TRIO: variants seen among roughly 807,000 people sequenced by gnomAD.
TRIO encodes trio Rho guanine nucleotide exchange factor, also known as triple functional domain protein.
In TRIO, 58 loss-of-function variants were observed where a neutral mutation model predicts 351.9. That is an observed-to-expected ratio of 0.16 (90% CI 0.13 to 0.21). TRIO has a LOEUF of 0.21. TRIO is among the 10% of genes least tolerant of loss of function. TRIO has a pLI of 1.00. For missense variants in TRIO, 3,201 were observed against 4,027.8 expected (o/e 0.79, Z 5.56); for synonymous variants, 1,758 against 1,595.7 (o/e 1.10, Z -2.42).
intron 3 of TRIO, among the ~76,000 whole-genome samples, chr5:14,285,800 A>T (rs1206377858): frequency 6.6e-6 from 1 of 152,138 alleles, no homozygotes. Flanking sequence ...TATATTTCCA[A>T]AAAAGACCTT....
intron 54 of TRIO, 44 bp from the exon 55 acceptor site, chr5:14,504,349 A>T: frequency 1.2e-6 from 2 of 1,605,874 alleles, no homozygotes; most frequent in Non-Finnish European, 1.7e-6. Context: ...TCGGTGCCAG[A>T]CCTCAGCAGC....
At position 14,482,778 on chromosome 5, in the gene TRIO, C is replaced by A. The variant is rs778248124; in HGVS notation, c.6657+5C>A. 2 of 1,557,860 alleles carry A rather than the reference C, an allele frequency of 1.3e-6. No homozygotes were observed. The highest frequency in any genetic ancestry group is 1.7e-6 in the Non-Finnish European group (2 of 1,145,138). ...CTGTTTAAGAACAGTATCAAGGTAA[C>A]GTGTGTCTCTGTGTGATTTCTCTGT... is the stretch of plus-strand genomic sequence containing the variant. On this transcript the variant is annotated splice_donor_5th_base_variant and intron_variant, in intron 46 of 56. Transcript: ENST00000344204.
intron 1 of TRIO, among the ~76,000 whole-genome samples, chr5:14,208,609 T>C (rs748614622): frequency 6.6e-6 from 1 of 152,234 alleles, no homozygotes; most frequent in African/African-American, 2.4e-5. Flanking sequence ...TGAGTCCTTA[T>C]GTAAGCAACT....
chr5:14,249,609 A>G (rs1328262721), intron 1 of TRIO, among the ~76,000 whole-genome samples: 1 of 152,236 alleles, frequency 6.6e-6, no homozygotes, highest in Non-Finnish European at 1.5e-5. Flanking sequence ...GAGAGCAGCT[A>G]TAAAGGGCAG....
At chr5:14,439,501 G>A (rs1363839700) in intron 34 of TRIO, among the ~76,000 whole-genome samples, 4 of 152,154 alleles carry the variant, frequency 2.6e-5, no homozygotes, top group East Asian at 3.8e-4. Flanking sequence ...TTGGCAGTCC[G>A]TATTTTGGAA....
chr5:14,262,054 T>C (rs147570945), intron 1 of TRIO, among the ~76,000 whole-genome samples: 4 of 152,340 alleles, frequency 2.6e-5, no homozygotes, highest in African/African-American at 9.6e-5. Context: ...ACCACGTGTT[T>C]GCTATCTTGA....
chr5:14,211,938 G>A, intron 1 of TRIO, among the ~76,000 whole-genome samples: 1 of 143,208 alleles, frequency 7.0e-6, no homozygotes, highest in Admixed American at 7.1e-5. Flanking sequence ...ACAGTGGTGA[G>A]ACCCCATCTC....
Position 14,378,048 on chromosome 5 carries a change from T to C in TRIO, c.3368T>C (p.Val1123Ala). 1.2e-6 allele frequency: 2 copies of C among 1,613,482 alleles called. No individual in the cohort carries two copies. The highest frequency in any genetic ancestry group is 1.7e-6 in the Non-Finnish European group (2 of 1,179,786). Residue 1123 changes from valine to alanine, a missense_variant, in exon 20 of 57, where the codon GTA becomes GCA. Physicochemically the swap from Val to Ala is moderately conservative, Grantham distance 64. Transcript: ENST00000344204. ...GAACTCTTCCAACGGGAGAACAGGG[T>C]ATTGCATTACTGGACCATGAGGAAG... ...LNELFQRENR[V>A]LHYWTMRKRR...
chr5:14,200,504 G>T (rs571139357), intron 1 of TRIO, among the ~76,000 whole-genome samples: 4 of 152,124 alleles, frequency 2.6e-5, no homozygotes, highest in Non-Finnish European at 5.9e-5. Flanking sequence ...GTGCTCCTAG[G>T]GTCTAATACA....
At chr5:14,169,582 C>G (rs1422477933) in intron 1 of TRIO, among the ~76,000 whole-genome samples, 1 of 152,190 alleles carries the variant, frequency 6.6e-6, no homozygotes, top group Non-Finnish European at 1.5e-5. Flanking sequence ...ACCTGGACCA[C>G]TTGAGTTGTT....
intron 34 of TRIO, among the ~76,000 whole-genome samples, chr5:14,445,501 AT>A (rs1263789761): frequency 6.6e-6 from 1 of 152,162 alleles, no homozygotes; most frequent in Non-Finnish European, 1.5e-5. Flanking sequence ...TACTTTTAAT[AT>A]TTGACTATAA....
chr5:14,281,864 G>C (rs753509225), intron 3 of TRIO, among the ~76,000 whole-genome samples: 1 of 152,232 alleles, frequency 6.6e-6, no homozygotes, highest in Non-Finnish European at 1.5e-5. Flanking sequence ...AATGATGTAA[G>C]ATGGTAACAG....
At chr5:14,284,382 CAAGT>C in intron 3 of TRIO, among the ~76,000 whole-genome samples, 1 of 152,254 alleles carries the variant, frequency 6.6e-6, no homozygotes, top group South Asian at 2.1e-4. Context: ...GGGATGTTTA[CAAGT>C]CACTGCTGTC....
At chr5:14,460,774 G>T (rs1753720444) in intron 34 of TRIO, among the ~76,000 whole-genome samples, 1 of 152,192 alleles carries the variant, frequency 6.6e-6, no homozygotes, top group South Asian at 2.1e-4. Flanking sequence ...GGTGACATGG[G>T]TGATTTTGGA....
intron 13 of TRIO, among the ~76,000 whole-genome samples, chr5:14,360,963 T>C (rs1239784467): frequency 6.6e-6 from 1 of 152,224 alleles, no homozygotes; most frequent in Non-Finnish European, 1.5e-5. Flanking sequence ...AAGAGGCACC[T>C]GCACGCCGAC....
chr5:14,357,388 C>T (rs915666286), intron 11 of TRIO, among the ~76,000 whole-genome samples: 3 of 152,304 alleles, frequency 2.0e-5, no homozygotes, highest in South Asian at 4.1e-4. Flanking sequence ...TTTTCAGTTC[C>T]GTGAATAGTA....
intron 41 of TRIO, among the ~76,000 whole-genome samples, chr5:14,477,825 C>T (rs1383687941): frequency 6.6e-6 from 1 of 152,216 alleles, no homozygotes; most frequent in Non-Finnish European, 1.5e-5. Context: ...CGTTTCATTA[C>T]ACAGTATCCA....
At chr5:14,305,130 C>G (rs190629952) in intron 8 of TRIO, among the ~76,000 whole-genome samples, 32 of 152,346 alleles carry the variant, frequency 2.1e-4, no homozygotes, top group African/African-American at 7.5e-4. Flanking sequence ...TTAATGCTCA[C>G]GTACTGTATC....
chr5:14,487,779 A>G lies in TRIO; in HGVS notation c.7151A>G (p.Glu2384Gly). 7.3e-7 allele frequency: 1 copy of G among 1,371,876 alleles called. No homozygotes were observed. The highest frequency in any genetic ancestry group is 9.4e-7 in the Non-Finnish European group (1 of 1,061,008). 85.0% of individuals were successfully genotyped at this position (1,371,876 alleles called of 1,614,324 possible). Residue 2384 changes from glutamate to glycine, a missense_variant, in exon 48 of 57, where the codon GAG (glutamate) becomes GGG (glycine). This residue lies in a region of TRIO where 1,089 missense variants were observed against 954.9 expected (regional missense o/e 1.14). Transcript: ENST00000344204. ...PSLPPPGAAPEAGPSAPSRRP... is the reference protein window; with the variant it reads ...PSLPPPGAAPGAGPSAPSRRP... ...CTGCCTCCCCCTGGCGCGGCCCCCG[A>G]GGCCGGCCCCAGCGCGCCCAGCAGG...
Sources: allele counts gnomAD v4.1 joint callset (sites outside exome capture counted in the v4.1 genomes callset), GRCh38; gene constraint gnomAD v4.1.1; regional missense constraint gnomAD v4.1.1; transcripts MANE v1.5; gene names NCBI Gene and HGNC (gene_info 2026-07-23, HGNC 2026-07-21).